DSCAML1: variants seen among roughly 807,000 people sequenced by gnomAD.
DSCAML1 encodes the protein DS cell adhesion molecule like 1.
A neutral mutation model predicts 200.5 loss-of-function variants in DSCAML1; 38 were observed. The ratio of observed to expected loss-of-function variants is 0.19; its 90% CI spans 0.15 to 0.25. DSCAML1 has a LOEUF of 0.25. Ranked by LOEUF, DSCAML1 falls within the 10% of genes least tolerant of loss-of-function variation. The pLI, the probability that DSCAML1 is intolerant of heterozygous loss-of-function variation, is 1.00. For missense variants in DSCAML1, 2,223 were observed against 2,858.8 expected (o/e 0.78, Z 5.07); for synonymous variants, 1,215 against 1,165.0 (o/e 1.04, Z -0.87).
chr11:117,570,146 G>C (rs1011789278), intron 3 of DSCAML1, among the ~76,000 whole-genome samples: 3 of 152,078 alleles, frequency 2.0e-5, no homozygotes, highest in East Asian at 3.9e-4. Flanking sequence ...CTAGAGGGGT[G>C]GGGGGATGTG....
intron 3 of DSCAML1, among the ~76,000 whole-genome samples, chr11:117,624,651 C>T (rs1315844925): frequency 6.6e-6 from 1 of 152,094 alleles, no homozygotes; most frequent in Non-Finnish European, 1.5e-5. Flanking sequence ...TTGTTCACTC[C>T]TAAGCCTGGC....
chr11:117,680,129 G>A (rs957012371), intron 3 of DSCAML1, among the ~76,000 whole-genome samples: 3 of 152,236 alleles, frequency 2.0e-5, no homozygotes, highest in African/African-American at 7.2e-5. Flanking sequence ...GATCTCTAGA[G>A]TTCCAGCCTA....
chr11:117,738,171 C>T (rs1015419562), intron 3 of DSCAML1, among the ~76,000 whole-genome samples: 3 of 152,144 alleles, frequency 2.0e-5, no homozygotes, highest in Non-Finnish European at 4.4e-5. Context: ...TAGAAGGGGA[C>T]AGTTTCAAAT....
intron 3 of DSCAML1, among the ~76,000 whole-genome samples, chr11:117,584,448 T>A (rs1296528220): frequency 6.6e-6 from 1 of 152,224 alleles, no homozygotes; most frequent in Non-Finnish European, 1.5e-5. Flanking sequence ...CATTCAGGCC[T>A]GTATCAAGGA....
intron 1 of DSCAML1, among the ~76,000 whole-genome samples, chr11:117,813,965 T>C (rs11216556): frequency 0.13 from 19,312 of 152,202 alleles, 1,322 homozygotes; most frequent in African/African-American, 0.17. Flanking sequence ...CCCAGATGGC[T>C]TGAAGTAACT....
At chr11:117,605,030 C>T (rs1263499055) in intron 3 of DSCAML1, among the ~76,000 whole-genome samples, 2 of 152,080 alleles carry the variant, frequency 1.3e-5, no homozygotes, top group East Asian at 3.9e-4. Context: ...GTTCTTTTTT[C>T]TACCCTGCCT....
intron 11 of DSCAML1, among the ~76,000 whole-genome samples, chr11:117,486,911 C>CTTTTTTTTTTTTTTTTTT (rs56805170): frequency 1.3e-5 from 1 of 79,622 alleles, no homozygotes; most frequent in Admixed American, 1.5e-4. Context: ...TGTAAAATAC[C>CTTTTTTTTTTTTTTTTTT]TTTTTTTTTT....
At chr11:117,686,065 G>A (rs1456205652) in intron 3 of DSCAML1, among the ~76,000 whole-genome samples, 2 of 152,172 alleles carry the variant, frequency 1.3e-5, no homozygotes, top group Admixed American at 1.3e-4. Context: ...GGAAGAGAAG[G>A]TGAGATCCAG....
chr11:117,791,779 G>T (rs1848264794), intron 1 of DSCAML1, among the ~76,000 whole-genome samples: 2 of 152,250 alleles, frequency 1.3e-5, no homozygotes, highest in Admixed American at 1.3e-4. Context: ...TAATTCAACT[G>T]CTTAGGGAAG....
At position 117,518,616 on chromosome 11, in the gene DSCAML1, G is replaced by A; in HGVS notation, c.1360C>T (p.His454Tyr). The A allele has an allele frequency of 6.2e-7, 1 of 1,613,740 alleles. No homozygotes were observed. Among genetic ancestry groups the A allele is most frequent in the South Asian group, 1.1e-5 (1 of 91,058 alleles). ...GACATGGTGTACTGGTTGGTGCGGTGGCTGCCATCCCGCACGATGGGCTCA... is the reference window on the plus strand; with the variant it reads ...GACATGGTGTACTGGTTGGTGCGGTAGCTGCCATCCCGCACGATGGGCTCA... ...DDEPIVRDGS[H>Y]RTNQYTMSDG... Residue 454 changes from histidine to tyrosine, a missense_variant, in exon 7 of 33, where the codon CAC (histidine) becomes TAC (tyrosine). His to Tyr is a moderately conservative substitution (Grantham distance 83). Around this residue, in one of 7 missense-constraint regions of DSCAML1, gnomAD observed 579 missense variants for 721.5 expected, o/e 0.80. Transcript: ENST00000651296. The surrounding 1 kb of genome is among the most constrained non-coding windows in gnomAD (Gnocchi z 6.3).
At chr11:117,500,375 G>A (rs916574017) in intron 11 of DSCAML1, among the ~76,000 whole-genome samples, 5 of 152,162 alleles carry the variant, frequency 3.3e-5, no homozygotes, top group African/African-American at 1.2e-4. Flanking sequence ...CCCTGAGAAC[G>A]GCAGCTCTGT....
At chr11:117,679,686 A>G (rs1166325054) in intron 3 of DSCAML1, among the ~76,000 whole-genome samples, 1 of 152,108 alleles carries the variant, frequency 6.6e-6, no homozygotes, top group Non-Finnish European at 1.5e-5. Flanking sequence ...TTCTAATGTA[A>G]TCCACAAAAA....
upstream of DSCAML1, among the ~76,000 whole-genome samples, chr11:117,799,390 G>A (rs544238442): frequency 2.0e-5 from 3 of 152,214 alleles, no homozygotes; most frequent in East Asian, 1.9e-4. Flanking sequence ...TGGAAGTAGC[G>A]GTGGACCCTC....
chr11:117,591,644 C>T (rs1343357469), intron 3 of DSCAML1, among the ~76,000 whole-genome samples: 5 of 152,228 alleles, frequency 3.3e-5, no homozygotes, highest in African/African-American at 9.6e-5. Context: ...TGCATTCCTT[C>T]GGAGTCCTCT....
At chr11:117,470,017 C>T in intron 15 of DSCAML1, 37 bp from the exon 16 acceptor site, 1 of 1,554,878 alleles carries the variant, frequency 6.4e-7, no homozygotes, top group Non-Finnish European at 8.7e-7. Context: ...CATTACAAGT[C>T]AAGACTTGGA....
intron 20 of DSCAML1, among the ~76,000 whole-genome samples, chr11:117,445,879 A>G (rs1350540914): frequency 6.6e-6 from 1 of 152,198 alleles, no homozygotes; most frequent in African/African-American, 2.4e-5. Context: ...ATCATGTTCA[A>G]AAGCACACAG....
chr11:117,458,613 GA>G, intron 19 of DSCAML1, 140 bp downstream of exon 19: 1 of 1,117,300 alleles, frequency 9.0e-7, no homozygotes, highest in Non-Finnish European at 1.3e-6. Context: ...TTTCCCTCAA[GA>G]GTCCTCAAGG....
intron 3 of DSCAML1, among the ~76,000 whole-genome samples, chr11:117,705,141 A>G (rs372598358): frequency 3.3e-5 from 5 of 152,150 alleles, no homozygotes; most frequent in East Asian, 1.9e-4. Flanking sequence ...CTTGCATTAT[A>G]TGATTTTCCC....
chr11:117,775,404 C>A (rs1565277440), intron 3 of DSCAML1, among the ~76,000 whole-genome samples: 1 of 152,174 alleles, frequency 6.6e-6, no homozygotes, highest in Admixed American at 6.5e-5. Context: ...GCTCTCCTCC[C>A]CAGACAAAAC....
Sources: allele counts gnomAD v4.1 joint callset (sites outside exome capture counted in the v4.1 genomes callset), GRCh38; gene constraint gnomAD v4.1.1; regional missense constraint gnomAD v4.1.1; non-coding constraint Gnocchi (gnomAD v3.1); transcripts MANE v1.5; gene names NCBI Gene and HGNC (gene_info 2026-07-23, HGNC 2026-07-21).